Variants in DNAJC3 observed in about 807,000 individuals in gnomAD.
DNAJC3 encodes the protein dnaJ homolog subfamily C member 3.
Under a neutral mutation model 68.6 loss-of-function variants are expected in DNAJC3, and 38 were observed. The observed-to-expected ratio is 0.55, with a 90% CI of 0.43 to 0.73. The LOEUF (loss-of-function observed/expected upper bound fraction) is 0.73. DNAJC3 is among the 30% of genes least tolerant of loss of function. DNAJC3 has a pLI of 0.00. For missense variants in DNAJC3, 526 were observed against 591.9 expected (o/e 0.89, Z 1.16); for synonymous variants, 203 against 204.0 (o/e 1.00, Z 0.04).
chr13:95,723,627 G>C (rs1479666160), intron 3 of DNAJC3, among the ~76,000 whole-genome samples: 2 of 152,152 alleles, frequency 1.3e-5, no homozygotes, highest in Non-Finnish European at 2.9e-5. Context: ...AGACAAATCT[G>C]TGTGGAGGCT....
intron 1 of DNAJC3, among the ~76,000 whole-genome samples, chr13:95,707,173 C>T (rs1247409614): frequency 6.6e-6 from 1 of 152,158 alleles, no homozygotes; most frequent in Non-Finnish European, 1.5e-5. Flanking sequence ...GTTTGTGCTC[C>T]TGTGAGAATC....
At chr13:95,773,590 A>G (rs1883213074) in intron 9 of DNAJC3, among the ~76,000 whole-genome samples, 1 of 152,232 alleles carries the variant, frequency 6.6e-6, no homozygotes, top group Non-Finnish European at 1.5e-5. Context: ...ATTTGTTGGC[A>G]TGAAGTTCAT....
At chr13:95,683,592 C>A (rs1879985578) in intron 1 of DNAJC3, among the ~76,000 whole-genome samples, 2 of 152,182 alleles carry the variant, frequency 1.3e-5, no homozygotes, top group African/African-American at 2.4e-5. Flanking sequence ...CATGTACAAC[C>A]TACAGAACCG....
intron 7 of DNAJC3, among the ~76,000 whole-genome samples, chr13:95,763,245 T>C (rs929501504): frequency 6.6e-6 from 1 of 152,222 alleles, no homozygotes; most frequent in Non-Finnish European, 1.5e-5. Context: ...ATTATTTTCA[T>C]GGAAGTGTTT....
chr13:95,714,953 T>A (rs2139632450), intron 2 of DNAJC3, among the ~76,000 whole-genome samples: 1 of 152,328 alleles, frequency 6.6e-6, no homozygotes, highest in African/African-American at 2.4e-5. Flanking sequence ...ATACAAGACT[T>A]TTTGAGACAG....
At chr13:95,769,061 C>G (rs1338079003) in intron 9 of DNAJC3, among the ~76,000 whole-genome samples, 1 of 151,534 alleles carries the variant, frequency 6.6e-6, no homozygotes, top group African/African-American at 2.4e-5. Context: ...TATCCCACCT[C>G]TGCATCAGCA....
intron 4 of DNAJC3, among the ~76,000 whole-genome samples, chr13:95,757,217 A>G (rs776749862): frequency 5.9e-5 from 9 of 151,984 alleles, no homozygotes; most frequent in Admixed American, 1.3e-4. Context: ...CAGTTTCCCT[A>G]TGTGTTTCAT....
intron 4 of DNAJC3, among the ~76,000 whole-genome samples, chr13:95,741,374 A>C (rs1161121781): frequency 2.0e-5 from 3 of 152,082 alleles, no homozygotes; most frequent in African/African-American, 7.2e-5. Flanking sequence ...CTTAGGGTGC[A>C]GTTGTTATTG....
At chr13:95,691,679 G>A (rs1288298493) in intron 1 of DNAJC3, among the ~76,000 whole-genome samples, 2 of 152,216 alleles carry the variant, frequency 1.3e-5, no homozygotes, top group Non-Finnish European at 2.9e-5. Context: ...CTGCAATCTC[G>A]GCACTTTGGG....
intron 2 of DNAJC3, among the ~76,000 whole-genome samples, chr13:95,722,841 C>T (rs1881377281): frequency 1.8e-5 from 1 of 55,106 alleles, no homozygotes; most frequent in Non-Finnish European, 3.7e-5. Context: ...CCCCCCCCCG[C>T]CGAAAAAGGT....
intron 2 of DNAJC3, among the ~76,000 whole-genome samples, chr13:95,713,843 A>G (rs1178496146): frequency 6.6e-6 from 1 of 152,160 alleles, no homozygotes; most frequent in Non-Finnish European, 1.5e-5. Context: ...TGCCATTTAG[A>G]GTTTTCAGGG....
chr13:95,695,944 A>G (rs183305141), intron 1 of DNAJC3, among the ~76,000 whole-genome samples: 2 of 152,326 alleles, frequency 1.3e-5, no homozygotes, highest in East Asian at 3.9e-4. Context: ...ATATATTAGT[A>G]CTCCTATGTA....
At chr13:95,735,198 A>G (rs1441592169) in intron 4 of DNAJC3, among the ~76,000 whole-genome samples, 3 of 134,892 alleles carry the variant, frequency 2.2e-5, no homozygotes, top group African/African-American at 8.5e-5. Flanking sequence ...TATGTGCCAC[A>G]TTTTCTTAAT....
At chr13:95,755,119 TGA>T (rs963507462) in intron 4 of DNAJC3, among the ~76,000 whole-genome samples, 2 of 151,578 alleles carry the variant, frequency 1.3e-5, no homozygotes, top group Non-Finnish European at 2.9e-5. Context: ...AGGGGGTGAT[TGA>T]GAGGAGTCAA....
chr13:95,760,138 A>G lies in DNAJC3; in HGVS notation c.645A>G (p.Ser215=), dbSNP rs759157312. The G allele has an allele frequency of 7.7e-5, 124 of 1,613,126 alleles. No homozygotes were observed. The Admixed American group carries it at 2.0e-3, about 26-fold the overall frequency. ...CTATAAGTGACTTAAAAGCTGCGTC[A>G]AAGTTGAAGAATGATAATACTGAAG... ...RKAISDLKAA[S]KLKNDNTEAF... is the part of the protein sequence containing the mutation. The change falls in exon 6 of 12, where the codon TCA becomes TCG. Residue 215 remains serine (S), a synonymous_variant. Transcript: ENST00000602402.
chr13:95,771,938 TTA>T (rs1229561514), intron 9 of DNAJC3, among the ~76,000 whole-genome samples: 3 of 152,170 alleles, frequency 2.0e-5, no homozygotes, highest in Non-Finnish European at 2.9e-5. Flanking sequence ...TGAGATTTAT[TTA>T]TGTTATTACA....
intron 4 of DNAJC3, among the ~76,000 whole-genome samples, chr13:95,732,087 C>T (rs1356844138): frequency 1.3e-5 from 2 of 151,858 alleles, no homozygotes; most frequent in South Asian, 2.1e-4. Flanking sequence ...GCTAGTATTT[C>T]GTTGAGGATG....
At chr13:95,718,321 TG>T (rs1413730155) in intron 2 of DNAJC3, among the ~76,000 whole-genome samples, 1 of 152,238 alleles carries the variant, frequency 6.6e-6, no homozygotes, top group Non-Finnish European at 1.5e-5. Flanking sequence ...GATGTAGGAA[TG>T]GACTCTAGTT....
intron 4 of DNAJC3, among the ~76,000 whole-genome samples, chr13:95,753,667 A>G (rs1255790875): frequency 2.0e-5 from 3 of 152,200 alleles, no homozygotes; most frequent in Admixed American, 1.3e-4. Flanking sequence ...TAATCACTGT[A>G]ACTTTAATAC....
Sources: gnomAD v4.1 joint callset for allele counts (sites outside exome capture counted in the v4.1 genomes callset) on GRCh38, gnomAD v4.1.1 for gene constraint, MANE v1.5 for transcripts, NCBI Gene and HGNC (gene_info 2026-07-23, HGNC 2026-07-21) for gene names.